Variants in RIMBP2 observed in about 807,000 individuals in gnomAD.
RIMBP2 encodes RIMS-binding protein 2.
A neutral mutation model predicts 118.6 loss-of-function variants in RIMBP2; 48 were observed. That is an observed-to-expected ratio of 0.40 (90% CI 0.32 to 0.51). The LOEUF is 0.51. Among genes scored for constraint, RIMBP2 ranks in the 20% least tolerant of loss-of-function variants. The pLI is 0.41. For missense variants in RIMBP2, 1,551 were observed against 1,768.3 expected, an observed-to-expected ratio of 0.88 and a Z score of 2.20; for synonymous variants, 762 against 742.9, an observed-to-expected ratio of 1.03 and a Z score of -0.42.
Position 130,688,205 on chromosome 12 carries a change from G to T in RIMBP2, c.-352+28017C>A, listed in dbSNP as rs569213869. On this transcript the variant is annotated intron_variant, in intron 1 of 22. Coordinates refer to ENST00000690449, the MANE Select transcript of RIMBP2 (RefSeq NM_001393629.1). The surrounding 1 kb of genome is among the most constrained non-coding windows in gnomAD (Gnocchi z 4.7). ...GCTGCTTGGCTTTGTGAACAGTTGC[G>T]TGGTGGCTTCTCAGCGGCCTTGGTG... Among the ~76,000 whole-genome samples, 1 of 152,138 alleles carries T rather than the reference G, an allele frequency of 6.6e-6. No homozygotes were observed.
intron 2 of RIMBP2, among the ~76,000 whole-genome samples, chr12:130,555,088 A>T (rs551772665): frequency 6.6e-6 from 1 of 152,350 alleles, no homozygotes; most frequent in South Asian, 2.1e-4. Flanking sequence ...GAAAAAACAG[A>T]GCCAAGACAA....
chr12:130,608,666 C>T (rs1490804790), intron 2 of RIMBP2, among the ~76,000 whole-genome samples: 1 of 152,178 alleles, frequency 6.6e-6, no homozygotes, highest in Non-Finnish European at 1.5e-5. Context: ...CAGGCCACTC[C>T]TCTTTAGGAC....
intron 1 of RIMBP2, among the ~76,000 whole-genome samples, chr12:130,645,039 A>T (rs906733431): frequency 1.3e-5 from 2 of 152,098 alleles, no homozygotes; most frequent in African/African-American, 4.8e-5. Context: ...GTTTGAAATC[A>T]GTTGTGGTTG....
intron 2 of RIMBP2, among the ~76,000 whole-genome samples, chr12:130,573,328 G>A (rs1386716331): frequency 1.3e-5 from 2 of 151,992 alleles, no homozygotes; most frequent in Non-Finnish European, 2.9e-5. Context: ...TAGGATCAGA[G>A]GTCAATATTT....
At chr12:130,700,025 A>G (rs1255174896) in intron 1 of RIMBP2, among the ~76,000 whole-genome samples, 1 of 152,074 alleles carries the variant, frequency 6.6e-6, no homozygotes, top group Non-Finnish European at 1.5e-5. Flanking sequence ...CCAAATAGAA[A>G]GCGTGTGTGG....
intron 1 of RIMBP2, among the ~76,000 whole-genome samples, chr12:130,630,818 C>T (rs1360880242): frequency 6.6e-6 from 1 of 152,158 alleles, no homozygotes; most frequent in East Asian, 1.9e-4. Context: ...AGGTTCTATA[C>T]CCAAAACAAG....
Position 130,580,196 on chromosome 12 carries a change from TAA to T in RIMBP2, c.-217+48124_-217+48125del, listed in dbSNP as rs67458568. Among the ~76,000 whole-genome samples, 716 of 143,016 alleles carry T rather than the reference TAA, an allele frequency of 5.0e-3. 1 individual carries two copies. Among genetic ancestry groups the T allele is most frequent in the African/African-American group, 4.5e-3 (175 of 38,592 alleles). The allele number at this position is 143,016 out of a possible 152,430, so 93.8% of individuals were successfully genotyped here. ...CTGGGTGACAGAGCAAGACTCCATTTAAAAAAAAAAAAAAAAGTAATATTGAC... is the reference window on the plus strand; with the variant it reads ...CTGGGTGACAGAGCAAGACTCCATTTAAAAAAAAAAAAAAGTAATATTGAC... On this transcript the variant is annotated intron_variant, in intron 2 of 22. Transcript: ENST00000690449.
chr12:130,445,316 G>GC, intron 9 of RIMBP2, 47 bp from the exon 10 acceptor site: 2 of 1,390,052 alleles, frequency 1.4e-6, no homozygotes, highest in Non-Finnish European at 2.0e-6. Flanking sequence ...GGAGGACACA[G>GC]CCCGCACCCC....
chr12:130,462,893 G>A (rs2080130678), intron 6 of RIMBP2, among the ~76,000 whole-genome samples: 1 of 152,202 alleles, frequency 6.6e-6, no homozygotes, highest in Non-Finnish European at 1.5e-5. Flanking sequence ...CTACAATGAA[G>A]GTGTGGAACA....
At chr12:130,694,766 TGGGCTGGCTGCTCAGGACA>T in intron 1 of RIMBP2, among the ~76,000 whole-genome samples, 1 of 152,264 alleles carries the variant, frequency 6.6e-6, no homozygotes, top group East Asian at 1.9e-4. Context: ...GATGATAGGG[TGGGCTGGCTGCTCAGGACA>T]GCCCTGGAGA....
At chr12:130,705,717 A>T (rs1245597552) in intron 1 of RIMBP2, among the ~76,000 whole-genome samples, 2 of 152,244 alleles carry the variant, frequency 1.3e-5, no homozygotes, top group Non-Finnish European at 1.5e-5. Context: ...GCAGGGCCAC[A>T]GGCGCCCAGC....
At chr12:130,408,819 T>C (rs2075418605) in intron 19 of RIMBP2, among the ~76,000 whole-genome samples, 1 of 152,180 alleles carries the variant, frequency 6.6e-6, no homozygotes, top group African/African-American at 2.4e-5. Context: ...AAGGCAAATA[T>C]CTCAACGGCA....
At chr12:130,558,198 C>T (rs991297161) in intron 2 of RIMBP2, among the ~76,000 whole-genome samples, 2 of 152,194 alleles carry the variant, frequency 1.3e-5, no homozygotes, top group Middle Eastern at 3.4e-3. Flanking sequence ...TCATTCTTGC[C>T]GGTTTTTTTA....
chr12:130,407,761 C>T lies in RIMBP2; in HGVS notation c.3658G>A (p.Asp1220Asn), dbSNP rs370980032. The change falls in exon 20 of 23, where the codon GAC becomes AAC. Residue 1220 changes from aspartate to asparagine, a missense_variant. This residue lies in a region of RIMBP2 where 1,038 missense variants were observed against 1,125.1 expected (regional missense o/e 0.92). Transcript: ENST00000690449. ...ACGTTGGGCGAGCTTTCTCTGGGGT[C>T]GTAGTCATACAGGGCCACCATTCTC... ...TRRMVALYDY[D>N]PRESSPNVDV... The T allele has an allele frequency of 1.2e-5, 19 of 1,614,096 alleles. No homozygotes were observed. The highest frequency in any genetic ancestry group is 1.6e-4 in the Middle Eastern group (1 of 6,062).
intron 2 of RIMBP2, among the ~76,000 whole-genome samples, chr12:130,561,150 G>GAGA (rs2056790480): frequency 1.3e-5 from 2 of 152,096 alleles, no homozygotes; most frequent in African/African-American, 2.4e-5. Context: ...GCCAGAACAG[G>GAGA]GGCTCCCTCA....
intron 1 of RIMBP2, among the ~76,000 whole-genome samples, chr12:130,675,942 C>T (rs951848484): frequency 6.6e-6 from 1 of 152,198 alleles, no homozygotes; most frequent in African/African-American, 2.4e-5. Flanking sequence ...AGCTGTAGGA[C>T]GCCACGAGAG....
intron 12 of RIMBP2, 31 bp downstream of exon 12, chr12:130,438,334 A>AGGCCCCCCCCCC: frequency 7.4e-7 from 1 of 1,344,518 alleles, no homozygotes; most frequent in Non-Finnish European, 1.1e-6. Flanking sequence ...GGGCCTAACA[A>AGGCCCCCCCCCC]ACCCTCCCCA....
intron 6 of RIMBP2, among the ~76,000 whole-genome samples, chr12:130,468,230 G>A (rs569883919): frequency 2.4e-4 from 36 of 152,308 alleles, no homozygotes; most frequent in Non-Finnish European, 4.6e-4. Context: ...GCTTCCCAGG[G>A]AACGCACTGC....
intron 4 of RIMBP2, among the ~76,000 whole-genome samples, chr12:130,505,473 C>T (rs1237417743): frequency 2.6e-5 from 3 of 116,920 alleles, no homozygotes; most frequent in Non-Finnish European, 3.6e-5. Flanking sequence ...CCATCCCCCC[C>T]ATCCCCCACC....
Sources: gnomAD v4.1 joint callset for allele counts (sites outside exome capture counted in the v4.1 genomes callset) on GRCh38, gnomAD v4.1.1 for gene constraint, gnomAD v4.1.1 regional missense constraint, Gnocchi (gnomAD v3.1) non-coding constraint, MANE v1.5 for transcripts, NCBI Gene and HGNC (gene_info 2026-07-23, HGNC 2026-07-21) for gene names.